Variants in SEMA3A observed in about 807,000 individuals in gnomAD.
The protein encoded by SEMA3A is semaphorin 3A.
A neutral mutation model predicts 97.9 loss-of-function variants in SEMA3A; 29 were observed. That is an observed-to-expected ratio of 0.30 (90% CI 0.22 to 0.40). The LOEUF (loss-of-function observed/expected upper bound fraction) is 0.40, where lower values mean the gene tolerates loss of function less well. SEMA3A is among the 10% of genes least tolerant of loss of function. The probability of loss-of-function intolerance (pLI) is 1.00; values close to 1 mark genes in which losing one functional copy is unlikely to be tolerated. For missense variants in SEMA3A, 763 were observed against 951.3 expected, an observed-to-expected ratio of 0.80 and a Z score of 2.60; for synonymous variants, 321 against 323.7, an observed-to-expected ratio of 0.99 and a Z score of 0.09.
intron 2 of SEMA3A, among the ~76,000 whole-genome samples, chr7:84,313,031 A>G (rs1173711312): frequency 6.9e-6 from 1 of 144,192 alleles, no homozygotes; most frequent in Non-Finnish European, 1.5e-5. Context: ...GTAGGTATAC[A>G]TACACATATA....
Position 84,046,322 on chromosome 7 carries a change from A to T in SEMA3A, c.667+2T>A. 6.2e-7 allele frequency: 1 copy of T among 1,612,494 alleles called. No homozygotes were observed. The highest frequency in any genetic ancestry group is 8.5e-7 in the Non-Finnish European group (1 of 1,179,120). On this transcript the variant is annotated splice_donor_variant, in intron 6 of 16. Coordinates refer to ENST00000265362, the MANE Select transcript of SEMA3A (RefSeq NM_006080.3). LOFTEE classifies it high-confidence loss of function. The stretch of plus-strand genomic sequence containing the variant: ...GTCTATGTTCTTTCATAAACCACCT[A>T]CCATTGAGCCACCTGGAATCATGCT...
intron 2 of SEMA3A, among the ~76,000 whole-genome samples, chr7:84,349,847 T>C (rs1478770467): frequency 1.3e-5 from 2 of 152,138 alleles, no homozygotes; most frequent in East Asian, 3.9e-4. Context: ...GACTTTCTCA[T>C]ATATATCTAT....
At chr7:84,227,311 C>T (rs1799013246) in intron 3 of SEMA3A, among the ~76,000 whole-genome samples, 1 of 151,940 alleles carries the variant, frequency 6.6e-6, no homozygotes, top group South Asian at 2.1e-4. Context: ...AGATATTTTT[C>T]AATCTCAAAG....
At chr7:84,283,402 T>TA (rs1420116865) in intron 3 of SEMA3A, among the ~76,000 whole-genome samples, 1 of 152,116 alleles carries the variant, frequency 6.6e-6, no homozygotes, top group Non-Finnish European at 1.5e-5. Flanking sequence ...GTTCAACTAT[T>TA]ACTGTTAATG....
In SEMA3A at chr7:84,336,300, G is replaced by A. The variant is rs140761909; in HGVS notation, c.-168-29008C>T. On this transcript the variant is annotated intron_variant, in intron 2 of 3. Transcript: ENST00000424555. ...TGGAAAGATCCTTTTCTAAACAGAA[G>A]AACACCAAACATAAAAGGAGAGGGG... is the stretch of plus-strand genomic sequence containing the variant. 7.9e-5 allele frequency among the ~76,000 whole-genome samples: 12 copies of A among 152,162 alleles called. No homozygotes were observed. The East Asian group carries it at 2.3e-3, about 29-fold the overall frequency.
chr7:84,232,883 C>T (rs887883041), intron 3 of SEMA3A, among the ~76,000 whole-genome samples: 6 of 151,930 alleles, frequency 3.9e-5, no homozygotes, highest in Non-Finnish European at 8.8e-5. Context: ...TCCCATGAGT[C>T]TGAGCCAAGT....
intron 1 of SEMA3A, among the ~76,000 whole-genome samples, chr7:84,422,256 G>T (rs1416983140): frequency 1.3e-5 from 2 of 151,926 alleles, no homozygotes; most frequent in East Asian, 3.9e-4. Context: ...GAGGGTGTAT[G>T]TGTCCAGGAA....
chr7:84,261,047 T>C (rs1038472311), intron 3 of SEMA3A, among the ~76,000 whole-genome samples: 1 of 152,108 alleles, frequency 6.6e-6, no homozygotes, highest in Admixed American at 6.5e-5. Context: ...TCAGCCCAAC[T>C]CACACAGACA....
chr7:83,988,952 C>G (rs1486334414), intron 12 of SEMA3A, among the ~76,000 whole-genome samples: 2 of 150,976 alleles, frequency 1.3e-5, no homozygotes, highest in Non-Finnish European at 2.9e-5. Context: ...CCGCACCCCC[C>G]CGATATTCAG....
chr7:84,266,722 G>C (rs935575138), intron 3 of SEMA3A, among the ~76,000 whole-genome samples: 1 of 152,116 alleles, frequency 6.6e-6, no homozygotes, highest in Non-Finnish European at 1.5e-5. Context: ...TGAATTAGCT[G>C]AGGTTTGGAC....
intron 1 of SEMA3A, among the ~76,000 whole-genome samples, chr7:84,178,294 T>C (rs1477513693): frequency 6.6e-6 from 1 of 152,126 alleles, no homozygotes; most frequent in Non-Finnish European, 1.5e-5. Flanking sequence ...CTTGACCTGG[T>C]ACTTCATATT....
chr7:84,260,938 G>A (rs1214163912), intron 3 of SEMA3A, among the ~76,000 whole-genome samples: 2 of 152,136 alleles, frequency 1.3e-5, no homozygotes, highest in African/African-American at 4.8e-5. Context: ...CTGTGGCCAG[G>A]AGTGAAAACT....
intron 3 of SEMA3A, among the ~76,000 whole-genome samples, chr7:84,292,904 T>G (rs1340994616): frequency 1.3e-5 from 2 of 152,106 alleles, no homozygotes; most frequent in East Asian, 3.8e-4. Flanking sequence ...TCTGAAAGTT[T>G]TTCATGTTGA....
At position 84,413,917 on chromosome 7, in the gene SEMA3A, A is replaced by T. The variant is rs1257767171; in HGVS notation, c.-245-42017T>A. Reference sequence around the variant, plus strand: ...GATGTAGTATCTCAATTAATCCTCAAAGCAGTCCTATGCATCATTTGCCTC... The same window carrying T: ...GATGTAGTATCTCAATTAATCCTCATAGCAGTCCTATGCATCATTTGCCTC... On this transcript the variant is annotated intron_variant, in intron 1 of 3. Coordinates refer to the SEMA3A transcript ENST00000424555. 3.9e-5 allele frequency among the ~76,000 whole-genome samples: 6 copies of T among 152,206 alleles called. No individual in the cohort carries two copies. In the East Asian group the frequency reaches 9.7e-4, roughly 25 times the overall value.
chr7:83,991,632 G>A (rs1467890913), intron 12 of SEMA3A, among the ~76,000 whole-genome samples: 1 of 151,910 alleles, frequency 6.6e-6, no homozygotes, highest in African/African-American at 2.4e-5. Flanking sequence ...TTATTGATTT[G>A]CATATATTGA....
chr7:84,163,758 AT>A (rs1277390671), intron 1 of SEMA3A, among the ~76,000 whole-genome samples: 1 of 151,514 alleles, frequency 6.6e-6, no homozygotes, highest in South Asian at 2.1e-4. Context: ...CAATTAAGTC[AT>A]TTTTTTTCCA....
At chr7:84,396,210 T>G (rs1182400024) in intron 1 of SEMA3A, among the ~76,000 whole-genome samples, 1 of 151,978 alleles carries the variant, frequency 6.6e-6, no homozygotes, top group Non-Finnish European at 1.5e-5. Flanking sequence ...AATTATGAAT[T>G]ATGAAATTGT....
At chr7:84,252,683 G>A (rs1799635333) in intron 3 of SEMA3A, among the ~76,000 whole-genome samples, 2 of 152,094 alleles carry the variant, frequency 1.3e-5, no homozygotes, top group South Asian at 2.1e-4. Flanking sequence ...CCGCTATATA[G>A]TGAAGAATAA....
intron 13 of SEMA3A, among the ~76,000 whole-genome samples, chr7:83,982,095 A>G (rs1052410188): frequency 1.3e-5 from 2 of 152,130 alleles, no homozygotes; most frequent in African/African-American, 4.8e-5. Context: ...CACTAAGTAC[A>G]CTCTGGTGCA....
Sources: allele counts gnomAD v4.1 joint callset (sites outside exome capture counted in the v4.1 genomes callset), GRCh38; gene constraint gnomAD v4.1.1; transcripts MANE v1.5; gene names NCBI Gene and HGNC (gene_info 2026-07-23, HGNC 2026-07-21).